The following LHFPL3 variants were observed in gnomAD, a reference collection of about 807,000 sequenced individuals.
LHFPL3 encodes the protein LHFPL tetraspan subfamily member 3 protein.
In LHFPL3, 5 loss-of-function variants were observed where a neutral mutation model predicts 19.3. That is an observed-to-expected ratio of 0.26 (90% confidence interval 0.14 to 0.54). The LOEUF is 0.54. Ranked by LOEUF, LHFPL3 falls within the 20% of genes least tolerant of loss-of-function variation. The probability of loss-of-function intolerance (pLI) is 0.94; values close to 1 mark genes in which losing one functional copy is unlikely to be tolerated. For synonymous variants in LHFPL3, 133 were observed against 126.2 expected (o/e 1.05, Z -0.36); for missense variants, 249 against 307.4 (o/e 0.81, Z 1.42).
At chr7:104,860,515 G>A (rs1791598510) in intron 2 of LHFPL3, among the ~76,000 whole-genome samples, 1 of 127,964 alleles carries the variant, frequency 7.8e-6, no homozygotes, top group African/African-American at 2.9e-5. Context: ...TCCTCCAAGG[G>A]CTGCCCTGGG....
intron 1 of LHFPL3, among the ~76,000 whole-genome samples, chr7:104,596,568 C>G (rs1014689957): frequency 1.3e-5 from 2 of 152,222 alleles, no homozygotes; most frequent in South Asian, 4.1e-4. Flanking sequence ...ATTAAAACCC[C>G]TCTGTTCCGG....
intron 1 of LHFPL3, among the ~76,000 whole-genome samples, chr7:104,670,359 C>T (rs559750467): frequency 6.6e-6 from 1 of 152,248 alleles, no homozygotes; most frequent in South Asian, 2.1e-4. Flanking sequence ...ACTTGGGGGT[C>T]GTGGTAATTC....
At chr7:104,548,669 C>T (rs1022261024) in intron 1 of LHFPL3, among the ~76,000 whole-genome samples, 1 of 152,172 alleles carries the variant, frequency 6.6e-6, no homozygotes, top group East Asian at 1.9e-4. Flanking sequence ...AGGGCTATAG[C>T]TTGGCCAACC....
At chr7:104,372,305 T>G (rs528392232) in intron 1 of LHFPL3, among the ~76,000 whole-genome samples, 1 of 152,334 alleles carries the variant, frequency 6.6e-6, no homozygotes, top group South Asian at 2.1e-4. Flanking sequence ...GAAATGGAAA[T>G]GCAGGGTTGC....
At chr7:104,504,456 C>A (rs374279995) in intron 1 of LHFPL3, among the ~76,000 whole-genome samples, 12 of 152,140 alleles carry the variant, frequency 7.9e-5, no homozygotes, top group Non-Finnish European at 1.3e-4. Context: ...TCCCTTATGA[C>A]ATTAAATTAC....
intron 1 of LHFPL3, among the ~76,000 whole-genome samples, chr7:104,704,786 C>T (rs938357674): frequency 2.0e-5 from 3 of 152,240 alleles, no homozygotes; most frequent in African/African-American, 7.2e-5. Context: ...CAAGCATGCA[C>T]CACCATGCTC....
At chr7:104,430,687 C>T (rs1453791036) in intron 1 of LHFPL3, among the ~76,000 whole-genome samples, 3 of 150,798 alleles carry the variant, frequency 2.0e-5, no homozygotes, top group African/African-American at 7.3e-5. Flanking sequence ...CCAGGATGGT[C>T]TCAATCTCCT....
intron 1 of LHFPL3, among the ~76,000 whole-genome samples, chr7:104,436,895 G>A (rs965633460): frequency 2.0e-5 from 3 of 152,110 alleles, no homozygotes; most frequent in African/African-American, 7.2e-5. Flanking sequence ...TTTTTAAACA[G>A]CTTTTAAAAA....
At chr7:104,526,920 T>C (rs1356292931) in intron 1 of LHFPL3, among the ~76,000 whole-genome samples, 1 of 152,132 alleles carries the variant, frequency 6.6e-6, no homozygotes, top group African/African-American at 2.4e-5. Context: ...AGAAAATAAA[T>C]AAACACATAC....
chr7:104,525,995 G>A (rs754652950), intron 1 of LHFPL3, among the ~76,000 whole-genome samples: 2 of 152,092 alleles, frequency 1.3e-5, no homozygotes, highest in Admixed American at 1.3e-4. Context: ...GGCACTGCTG[G>A]AAGAGCCTTG....
intron 1 of LHFPL3, among the ~76,000 whole-genome samples, chr7:104,387,825 G>A (rs868413365): frequency 2.4e-4 from 36 of 152,276 alleles, no homozygotes; most frequent in African/African-American, 8.4e-4. Context: ...CGGGGTACAT[G>A]TGCAGGTTTG....
intron 1 of LHFPL3, among the ~76,000 whole-genome samples, chr7:104,377,326 T>A (rs896693466): frequency 6.6e-6 from 1 of 152,230 alleles, no homozygotes; most frequent in Non-Finnish European, 1.5e-5. Context: ...ACTTAACTGT[T>A]AAAATGTCTT....
chr7:104,464,503 C>A (rs1406838231), intron 1 of LHFPL3, among the ~76,000 whole-genome samples: 2 of 152,246 alleles, frequency 1.3e-5, no homozygotes, highest in Non-Finnish European at 2.9e-5. Context: ...GGTTCCACCC[C>A]TGAAGCATAC....
intron 2 of LHFPL3, among the ~76,000 whole-genome samples, chr7:104,850,042 C>T (rs1791387395): frequency 6.6e-6 from 1 of 152,326 alleles, no homozygotes; most frequent in African/African-American, 2.4e-5. Flanking sequence ...GTGGCTCACG[C>T]CTGTAATCCC....
chr7:104,514,932 GT>G (rs1305718488), intron 1 of LHFPL3, among the ~76,000 whole-genome samples: 1 of 152,074 alleles, frequency 6.6e-6, no homozygotes, highest in Non-Finnish European at 1.5e-5. Flanking sequence ...CTTCTTTTCT[GT>G]TAGAATAATC....
chr7:104,880,126 TC>T (rs903818291), intron 2 of LHFPL3, among the ~76,000 whole-genome samples: 1 of 152,174 alleles, frequency 6.6e-6, no homozygotes, highest in Non-Finnish European at 1.5e-5. Flanking sequence ...GAAATGTGAT[TC>T]CCAGTGTTGG....
At chr7:104,561,832 T>G (rs1384791740) in intron 1 of LHFPL3, among the ~76,000 whole-genome samples, 2 of 152,208 alleles carry the variant, frequency 1.3e-5, no homozygotes, top group Admixed American at 6.5e-5. Flanking sequence ...GGTTGTTCCT[T>G]TCCATGTTTA....
At chr7:104,831,435 C>T (rs1008634565) in intron 2 of LHFPL3, among the ~76,000 whole-genome samples, 1 of 151,920 alleles carries the variant, frequency 6.6e-6, no homozygotes, top group Non-Finnish European at 1.5e-5. Context: ...GACCAAGCAA[C>T]GAACAACATT....
intron 1 of LHFPL3, among the ~76,000 whole-genome samples, chr7:104,461,054 G>C: frequency 6.6e-6 from 1 of 152,152 alleles, no homozygotes; most frequent in Non-Finnish European, 1.5e-5. Context: ...AATTTATAAA[G>C]AAAGAGGTTT....
Sources: gnomAD v4.1 joint callset for allele counts (sites outside exome capture counted in the v4.1 genomes callset) on GRCh38, gnomAD v4.1.1 for gene constraint, MANE v1.5 for transcripts, NCBI Gene and HGNC (gene_info 2026-07-23, HGNC 2026-07-21) for gene names.